SLC24A2: variants seen among roughly 807,000 people sequenced by gnomAD.
SLC24A2 encodes the protein sodium/potassium/calcium exchanger 2.
In SLC24A2, 36 loss-of-function variants were observed where a neutral mutation model predicts 62.0. That is an observed-to-expected ratio of 0.58 (90% CI 0.44 to 0.77). SLC24A2 has a LOEUF of 0.77. Ranked by LOEUF, SLC24A2 falls within the 30% of genes least tolerant of loss-of-function variation. The pLI is 0.00. For missense variants in SLC24A2, 846 were observed against 817.9 expected (o/e 1.03, Z -0.42); for synonymous variants, 358 against 294.0 (o/e 1.22, Z -2.23).
the SLC24A2 span, among the ~76,000 whole-genome samples, chr9:19,873,332 CTTCTT>C: frequency 2.0e-5 from 3 of 146,812 alleles, no homozygotes; most frequent in Non-Finnish European, 3.0e-5. Context: ...CTCTTTCTTT[CTTCTT>C]TTCTTTTCCT....
chr9:19,784,829 C>T (rs1258221708), intron 2 of SLC24A2, among the ~76,000 whole-genome samples: 1 of 152,124 alleles, frequency 6.6e-6, no homozygotes, highest in African/African-American at 2.4e-5. Context: ...GTGTTTTATC[C>T]TGCCCTTTGC....
intron 1 of SLC24A2, among the ~76,000 whole-genome samples, chr9:19,788,280 C>T (rs535255149): frequency 6.6e-6 from 1 of 152,292 alleles, no homozygotes; most frequent in South Asian, 2.1e-4. Context: ...AACGATTAAG[C>T]GATTCACAGC....
At chr9:20,187,440 G>A in the SLC24A2 span, among the ~76,000 whole-genome samples, 1 of 152,116 alleles carries the variant, frequency 6.6e-6, no homozygotes, top group Non-Finnish European at 1.5e-5. Context: ...TCTGAGCCTG[G>A]AGTACAAAGT....
rs556133432 is a variant in SLC24A2, at chr9:19,531,229, T to C, written c.1480-3091A>G. On this transcript the variant is annotated intron_variant, in intron 8 of 10. Coordinates refer to ENST00000341998, the MANE Select transcript of SLC24A2 (RefSeq NM_020344.4). ...ATTTCCATTTTCACACCCCAGGTAA[T>C]CACTTCTTTCATTTTTCTTGGACCA... 1.7e-4 allele frequency among the ~76,000 whole-genome samples: 26 copies of C among 152,330 alleles called. No homozygotes were observed. In the Middle Eastern group the frequency reaches 0.017, roughly 100 times the overall value.
intron 2 of SLC24A2, among the ~76,000 whole-genome samples, chr9:19,736,552 G>C (rs1821515739): frequency 6.6e-6 from 1 of 152,060 alleles, no homozygotes; most frequent in African/African-American, 2.4e-5. Context: ...TAGAAATCAA[G>C]ACCAGGCCAG....
chr9:20,111,794 T>G, the SLC24A2 span, among the ~76,000 whole-genome samples: 1 of 152,150 alleles, frequency 6.6e-6, no homozygotes, highest in Non-Finnish European at 1.5e-5. Context: ...CTGGTCCCCA[T>G]TGTCCACTGG....
At chr9:19,573,872 A>T (rs1835929714) in intron 6 of SLC24A2, among the ~76,000 whole-genome samples, 1 of 152,196 alleles carries the variant, frequency 6.6e-6, no homozygotes, top group South Asian at 2.1e-4. Flanking sequence ...TTTTAAAACC[A>T]AAACCACACG....
chr9:19,823,190 TCCCCCTA>T, the SLC24A2 span, among the ~76,000 whole-genome samples: 1 of 152,180 alleles, frequency 6.6e-6, no homozygotes, highest in African/African-American at 2.4e-5. Flanking sequence ...GGTATTTAGA[TCCCCCTA>T]TATGTTTTTT....
the SLC24A2 span, among the ~76,000 whole-genome samples, chr9:20,113,160 C>T: frequency 6.6e-6 from 1 of 152,122 alleles, no homozygotes; most frequent in African/African-American, 2.4e-5. Context: ...CTGGGGCTCT[C>T]CCCCAGGACT....
intron 2 of SLC24A2, among the ~76,000 whole-genome samples, chr9:19,643,262 A>C (rs1055738173): frequency 2.0e-4 from 30 of 152,192 alleles, no homozygotes; most frequent in African/African-American, 2.2e-4. Flanking sequence ...ACTATTACGT[A>C]TAATCTCTCT....
rs1410618873 is a variant in SLC24A2, at chr9:19,508,986, GGTTA to G, written c.*7163_*7166del. The G allele has an allele frequency of 6.6e-6, 1 of 152,090 alleles. No individual in the cohort carries two copies. Among genetic ancestry groups the G allele is most frequent in the Admixed American group, 6.6e-5 (1 of 15,262 alleles). 9.4% of individuals were successfully genotyped at this position (152,090 alleles called of 1,614,324 possible). A position where few individuals can be genotyped will look rare whatever the true frequency, so the allele number is the denominator to read the frequency against. The stretch of plus-strand genomic sequence containing the variant: ...CTGCTTTACATGTCCTCCCAAGGAA[GGTTA>G]GTAATTTAGGCATAAGGAATTATTG... On this transcript the variant is annotated 3_prime_UTR_variant, in exon 11 of 11. Coordinates refer to ENST00000341998, the MANE Select transcript of SLC24A2 (RefSeq NM_020344.4).
At chr9:20,300,277 T>C in the SLC24A2 span, among the ~76,000 whole-genome samples, 2 of 152,214 alleles carry the variant, frequency 1.3e-5, no homozygotes, top group African/African-American at 4.8e-5. Context: ...TCCAATTATA[T>C]CTTTTAGTTA....
At chr9:19,523,927 T>A (rs779327401) in intron 9 of SLC24A2, among the ~76,000 whole-genome samples, 7 of 152,118 alleles carry the variant, frequency 4.6e-5, no homozygotes, top group African/African-American at 1.4e-4. Flanking sequence ...GGTGAATCTG[T>A]GTGGCTCTAG....
Position 19,786,833 on chromosome 9 carries a change from G to C in SLC24A2, c.34C>G (p.Leu12Val). Residue 12 changes from leucine to valine, a missense_variant, in exon 2 of 11, where the codon CTA becomes GTA. Transcript: ENST00000341998. The surrounding 1 kb of genome is among the most constrained non-coding windows in gnomAD (Gnocchi z 5.0). ...GACTCATCCAAACACCATTTCTCTA[G>C]GGAAGTGATGGTGGTGCTTTGTTGC... ...DLQQSTTITS[L>V]EKWCLDESLS... 6.2e-7 allele frequency: 1 copy of C among 1,612,168 alleles called. No individual in the cohort carries two copies.
chr9:20,027,362 C>T, the SLC24A2 span, among the ~76,000 whole-genome samples: 1 of 152,124 alleles, frequency 6.6e-6, no homozygotes, highest in Non-Finnish European at 1.5e-5. Context: ...ATGTTTACTG[C>T]AGCATTATTC....
At chr9:20,005,159 T>C in the SLC24A2 span, among the ~76,000 whole-genome samples, 2 of 152,132 alleles carry the variant, frequency 1.3e-5, no homozygotes, top group Non-Finnish European at 2.9e-5. Flanking sequence ...ATGCACCTGA[T>C]AATCACCTCA....
chr9:19,637,618 G>A (rs1818392919), intron 2 of SLC24A2, among the ~76,000 whole-genome samples: 1 of 152,242 alleles, frequency 6.6e-6, no homozygotes, highest in Non-Finnish European at 1.5e-5. Context: ...GCATGGAGAA[G>A]TAGTACCAGG....
At chr9:19,790,185 C>T (rs756515163), upstream of SLC24A2, among the ~76,000 whole-genome samples, 21 of 152,286 alleles carry the variant, frequency 1.4e-4, no homozygotes, top group Middle Eastern at 3.4e-3. Flanking sequence ...ATCCTCCAGC[C>T]TCAGACTCCC....
chr9:19,755,271 G>GT (rs1297173379), intron 2 of SLC24A2, among the ~76,000 whole-genome samples: 1 of 152,110 alleles, frequency 6.6e-6, no homozygotes, highest in Non-Finnish European at 1.5e-5. Flanking sequence ...ATACATGTTA[G>GT]TTTTTTCTTG....
Sources: gnomAD v4.1 joint callset for allele counts (sites outside exome capture counted in the v4.1 genomes callset) on GRCh38, gnomAD v4.1.1 for gene constraint, Gnocchi (gnomAD v3.1) non-coding constraint, MANE v1.5 for transcripts, NCBI Gene and HGNC (gene_info 2026-07-23, HGNC 2026-07-21) for gene names.